Variants in CNMD observed in about 807,000 individuals in gnomAD.
The protein encoded by CNMD is chondromodulin.
Under a neutral mutation model 37.5 loss-of-function variants are expected in CNMD, and 30 were observed. That is an observed-to-expected ratio of 0.80 (90% confidence interval 0.60 to 1.09). The LOEUF (loss-of-function observed/expected upper bound fraction) is 1.09. Ranked by LOEUF, CNMD falls within the 50% of genes least tolerant of loss-of-function variation. The probability of loss-of-function intolerance (pLI) is 0.00; values close to 1 mark genes in which losing one functional copy is unlikely to be tolerated. For missense variants in CNMD, 398 were observed against 423.9 expected (o/e 0.94, Z 0.54); for synonymous variants, 167 against 148.2 (o/e 1.13, Z -0.92).
chr13:52,725,962 C>G (rs1209598406), intron 3 of CNMD, among the ~76,000 whole-genome samples: 1 of 152,218 alleles, frequency 6.6e-6, no homozygotes, highest in Non-Finnish European at 1.5e-5. Flanking sequence ...AGAAAAGGCT[C>G]ATTCTTCCTC....
chr13:52,727,264 G>A (rs570335646), intron 3 of CNMD, among the ~76,000 whole-genome samples: 24 of 151,994 alleles, frequency 1.6e-4, no homozygotes, highest in African/African-American at 5.3e-4. Flanking sequence ...GCCAGACTCC[G>A]TCTCAAATAA....
At chr13:52,715,405 GGTTT>G (rs1428251583) in intron 4 of CNMD, among the ~76,000 whole-genome samples, 1 of 151,996 alleles carries the variant, frequency 6.6e-6, no homozygotes, top group Non-Finnish European at 1.5e-5. Context: ...AGAATGTGCA[GGTTT>G]GTTACATAGG....
In CNMD at chr13:52,739,484, G is replaced by A. The variant is rs1964847224; in HGVS notation, c.72+146C>T. The A allele has an allele frequency of 3.9e-6, 3 of 764,894 alleles. No homozygotes were observed. In the African/African-American group the frequency reaches 5.2e-5, roughly 13 times the overall value. 47.4% of individuals were successfully genotyped at this position (764,894 alleles called of 1,614,324 possible). On this transcript the variant is annotated intron_variant, in intron 1 of 6. Coordinates refer to ENST00000377962, the MANE Select transcript of CNMD (RefSeq NM_007015.3). This position sits in a 1 kb window ranked among gnomAD's most constrained non-coding sequence, Gnocchi z 5.4. ...GACCCCTGCACACTCATACGCGTGGGGCGACATCCCACCCACACATTTGGG... is the reference window on the plus strand; with the variant it reads ...GACCCCTGCACACTCATACGCGTGGAGCGACATCCCACCCACACATTTGGG...
intron 2 of CNMD, among the ~76,000 whole-genome samples, chr13:52,734,415 A>G (rs1244975202): frequency 1.3e-5 from 2 of 152,158 alleles, no homozygotes; most frequent in Non-Finnish European, 2.9e-5. Context: ...AATACTTAAA[A>G]CATTTCTTTT....
At chr13:52,708,737 G>C (rs557059673) in intron 5 of CNMD, 35 bp from the exon 6 acceptor site, 5 of 1,471,330 alleles carry the variant, frequency 3.4e-6, no homozygotes, top group African/African-American at 1.4e-5. Context: ...CCCTTTATTT[G>C]AATAATTAAG....
chr13:52,726,241 T>G (rs1367954969), intron 3 of CNMD, among the ~76,000 whole-genome samples: 2 of 152,148 alleles, frequency 1.3e-5, no homozygotes, highest in East Asian at 1.9e-4. Flanking sequence ...ATTGGGAGCC[T>G]TAAAAGCTCC....
intron 3 of CNMD, among the ~76,000 whole-genome samples, chr13:52,728,021 T>C (rs1046862656): frequency 1.3e-5 from 2 of 152,214 alleles, no homozygotes; most frequent in South Asian, 4.1e-4. Flanking sequence ...ACACATCCTA[T>C]TCATGTAACA....
At position 52,724,026 on chromosome 13, in the gene CNMD, C is replaced by T. The variant is rs568321711; in HGVS notation, c.439G>A (p.Val147Met). Residue 147 changes from valine to methionine, a missense_variant, in exon 4 of 7, where the codon GTG (valine) becomes ATG (methionine). Transcript: ENST00000377962. ...VKARIPEVGAVTKQSISSKLE... is the reference protein window; with the variant it reads ...VKARIPEVGAMTKQSISSKLE... ...TTGGAGGAGATGCTCTGTTTGGTCA[C>T]GGCGCCCACCTCAGGAATACGAGCC... The T allele has an allele frequency of 3.0e-5, 48 of 1,613,628 alleles. 1 individual carries two copies. The highest frequency in any genetic ancestry group is 4.0e-5 in the African/African-American group (3 of 75,028).
chr13:52,727,577 G>A (rs578225476), intron 3 of CNMD, among the ~76,000 whole-genome samples: 2 of 149,936 alleles, frequency 1.3e-5, no homozygotes, highest in East Asian at 1.9e-4. Context: ...AGGATCACTG[G>A]TATATATATA....
In CNMD at chr13:52,737,862, T is replaced by C. The variant is rs1168185130; in HGVS notation, c.213+1169A>G. Among the ~76,000 whole-genome samples the C allele has an allele frequency of 2.0e-5, 3 of 152,246 alleles. No homozygotes were observed. The East Asian group carries it at 5.8e-4, about 29-fold the overall frequency. On this transcript the variant is annotated intron_variant, in intron 2 of 6. Coordinates refer to ENST00000377962, the MANE Select transcript of CNMD (RefSeq NM_007015.3). ...CAAATACATTAAGGCACTTTTCAAA[T>C]ACCCACAAAATACAGTGCAATTCTG...
At position 52,722,259 on chromosome 13, in the gene CNMD, G is replaced by A. The variant is rs182831501; in HGVS notation, c.468+1738C>T. ...ATGGTAGTCAGCTTTACAAACTCAC[G>A]GGTTTGTTTTTTAGCTTTTGTGTTG... On this transcript the variant is annotated intron_variant, in intron 4 of 6. Transcript: ENST00000377962. Among the ~76,000 whole-genome samples the A allele has an allele frequency of 1.2e-4, 18 of 152,238 alleles. No individual in the cohort carries two copies. The East Asian group carries it at 1.5e-3, about 13-fold the overall frequency.
At chr13:52,731,500 C>T (rs1964668264) in intron 3 of CNMD, among the ~76,000 whole-genome samples, 1 of 152,168 alleles carries the variant, frequency 6.6e-6, no homozygotes, top group South Asian at 2.1e-4. Context: ...AAATGTTCTA[C>T]TCACCAGTTC....
At chr13:52,717,115 A>G (rs1291442742) in intron 4 of CNMD, among the ~76,000 whole-genome samples, 1 of 152,178 alleles carries the variant, frequency 6.6e-6, no homozygotes, top group Non-Finnish European at 1.5e-5. Context: ...GCAACTGTGA[A>G]TGAGAGTTCC....
At chr13:52,706,822 CTGGAG>C (rs1365176133) in intron 6 of CNMD, among the ~76,000 whole-genome samples, 1 of 151,906 alleles carries the variant, frequency 6.6e-6, no homozygotes, top group Non-Finnish European at 1.5e-5. Flanking sequence ...GGGAGGGTGT[CTGGAG>C]TGGAAGGGAA....
chr13:52,703,804 C>T lies in CNMD; in HGVS notation c.796G>A (p.Glu266Lys), dbSNP rs1566215083. The T allele has an allele frequency of 6.2e-7, 1 of 1,607,156 alleles. No homozygotes were observed. Among genetic ancestry groups the T allele is most frequent in the Non-Finnish European group, 8.5e-7 (1 of 1,173,968 alleles). The stretch of plus-strand genomic sequence containing the variant: ...GGGTCGAATGTCATGCTTTCCCCTT[C>T]CTGCTGCTGTGAAATAAAAGATAAT... ...FNPDNPYHQQ[E>K]GESMTFDPRL... Residue 266 changes from glutamate (E) to lysine (K), a missense_variant, in exon 7 of 7, where the codon GAA becomes AAA. By Grantham distance (56) the Glu-to-Lys change is moderately conservative. Transcript: ENST00000377962.
At chr13:52,733,047 T>C (rs1964699199) in intron 3 of CNMD, 172 bp downstream of exon 3, 2 of 659,234 alleles carry the variant, frequency 3.0e-6, no homozygotes, top group Non-Finnish European at 5.3e-6. Flanking sequence ...AAGGACAAAG[T>C]CTGGTCCTTT....
intron 2 of CNMD, 75 bp from the exon 3 acceptor site, chr13:52,733,434 A>G (rs763299258): frequency 7.0e-6 from 9 of 1,294,292 alleles, no homozygotes; most frequent in Non-Finnish European, 9.0e-6. Context: ...AGGGCAGTGT[A>G]TGAGGTAGTG....
At chr13:52,728,313 G>C (rs1039977279) in intron 3 of CNMD, among the ~76,000 whole-genome samples, 13 of 152,084 alleles carry the variant, frequency 8.5e-5, no homozygotes, top group Non-Finnish European at 1.6e-4. Flanking sequence ...AGGAGGCAGA[G>C]GTTGCAGTGA....
intron 3 of CNMD, among the ~76,000 whole-genome samples, chr13:52,730,282 T>C (rs909381176): frequency 6.6e-6 from 1 of 152,148 alleles, no homozygotes; most frequent in African/African-American, 2.4e-5. Context: ...GCCATAAACA[T>C]ACGTGTGCAT....
Sources: gnomAD v4.1 joint callset for allele counts (sites outside exome capture counted in the v4.1 genomes callset) on GRCh38, gnomAD v4.1.1 for gene constraint, Gnocchi (gnomAD v3.1) non-coding constraint, MANE v1.5 for transcripts, NCBI Gene and HGNC (gene_info 2026-07-23, HGNC 2026-07-21) for gene names.